RNLS: variants seen among roughly 807,000 people sequenced by gnomAD.
RNLS encodes renalase, FAD dependent amine oxidase.
A neutral mutation model predicts 39.8 loss-of-function variants in RNLS; 39 were observed. That is an observed-to-expected ratio of 0.98 (90% CI 0.76 to 1.28). The LOEUF (loss-of-function observed/expected upper bound fraction) is 1.28. Among genes scored for constraint, RNLS ranks in the 50% most tolerant of loss-of-function variants. The pLI, the probability that RNLS is intolerant of heterozygous loss-of-function variation, is 0.00. For missense variants in RNLS, 410 were observed against 413.3 expected, an observed-to-expected ratio of 0.99 and a Z score of 0.07; for synonymous variants, 147 against 150.7, an observed-to-expected ratio of 0.98 and a Z score of 0.18.
At chr10:88,286,332 A>T (rs902738744) in intron 6 of RNLS, among the ~76,000 whole-genome samples, 1 of 152,024 alleles carries the variant, frequency 6.6e-6, no homozygotes, top group African/African-American at 2.4e-5. Flanking sequence ...GTCTTTTTAA[A>T]CAGCTTTTTA....
chr10:88,521,356 C>T (rs538507130), intron 4 of RNLS, among the ~76,000 whole-genome samples: 1 of 152,186 alleles, frequency 6.6e-6, no homozygotes, highest in African/African-American at 2.4e-5. Context: ...AATATCCTGA[C>T]TCTGTTTCGT....
intron 4 of RNLS, among the ~76,000 whole-genome samples, chr10:88,405,956 A>G (rs1853236031): frequency 6.6e-6 from 1 of 152,048 alleles, no homozygotes; most frequent in Admixed American, 6.6e-5. Context: ...TGTCTGAAAA[A>G]TACCTCATCT....
chr10:88,176,575 C>A, the RNLS span, among the ~76,000 whole-genome samples: 4 of 152,128 alleles, frequency 2.6e-5, no homozygotes, highest in Non-Finnish European at 5.9e-5. Flanking sequence ...GGCTGTTTTG[C>A]ATATCTTTTG....
chr10:88,435,214 G>A (rs964523325), intron 4 of RNLS, among the ~76,000 whole-genome samples: 1 of 151,916 alleles, frequency 6.6e-6, no homozygotes, highest in Non-Finnish European at 1.5e-5. Flanking sequence ...CTGGTACTTG[G>A]CAGACAGGCA....
At chr10:88,316,633 G>A (rs1845782998) in intron 5 of RNLS, among the ~76,000 whole-genome samples, 1 of 152,110 alleles carries the variant, frequency 6.6e-6, no homozygotes, top group African/African-American at 2.4e-5. Context: ...ATTTGTTCCA[G>A]GGGAAACTCG....
chr10:88,408,063 T>C (rs1853395641), intron 4 of RNLS, among the ~76,000 whole-genome samples: 3 of 152,080 alleles, frequency 2.0e-5, no homozygotes, highest in South Asian at 2.1e-4. Context: ...ATAGGGCACA[T>C]ATTATATACA....
At chr10:88,318,642 G>A (rs766230544) in intron 5 of RNLS, among the ~76,000 whole-genome samples, 1 of 152,170 alleles carries the variant, frequency 6.6e-6, no homozygotes, top group Non-Finnish European at 1.5e-5. Flanking sequence ...AGAGTTGTCT[G>A]CTCTGGACTG....
intron 4 of RNLS, among the ~76,000 whole-genome samples, chr10:88,555,315 T>C (rs542633181): frequency 2.0e-5 from 3 of 152,172 alleles, no homozygotes; most frequent in South Asian, 2.1e-4. Flanking sequence ...TCTGACATGA[T>C]TTCAGTGTTT....
intron 5 of RNLS, among the ~76,000 whole-genome samples, chr10:88,344,948 A>G (rs11202727): frequency 0.24 from 36,646 of 151,952 alleles, 4,791 homozygotes; most frequent in Non-Finnish European, 0.28. Flanking sequence ...TGTACAGTAC[A>G]TATGGATTCT....
intron 4 of RNLS, among the ~76,000 whole-genome samples, chr10:88,561,165 G>C (rs1382694458): frequency 6.6e-6 from 1 of 152,094 alleles, no homozygotes; most frequent in Non-Finnish European, 1.5e-5. Context: ...GAAAGTTATA[G>C]CAAAGGACCA....
At chr10:88,253,976 T>C in the RNLS span, among the ~76,000 whole-genome samples, 1 of 152,240 alleles carries the variant, frequency 6.6e-6, no homozygotes, top group African/African-American at 2.4e-5. Flanking sequence ...TTCACCACCA[T>C]AGCATAAAAA....
chr10:88,357,797 T>C (rs1019455573), intron 5 of RNLS, among the ~76,000 whole-genome samples: 4 of 152,216 alleles, frequency 2.6e-5, no homozygotes, highest in Non-Finnish European at 5.9e-5. Context: ...CTCCATCCTC[T>C]TTCCATCCAC....
At chr10:88,276,923 G>A (rs999952) in intron 6 of RNLS, among the ~76,000 whole-genome samples, 126,072 of 152,136 alleles carry the variant, frequency 0.83, 52,571 homozygotes, top group Non-Finnish European at 0.88. Flanking sequence ...GTTTCAAAAT[G>A]TCACTCCATA....
intron 4 of RNLS, among the ~76,000 whole-genome samples, chr10:88,503,289 G>A (rs1379505745): frequency 6.6e-6 from 1 of 152,204 alleles, no homozygotes; most frequent in African/African-American, 2.4e-5. Flanking sequence ...GCTGAGGCAT[G>A]AGAATCACTT....
At chr10:88,377,326 C>A (rs1440362010) in intron 4 of RNLS, among the ~76,000 whole-genome samples, 9 of 151,924 alleles carry the variant, frequency 5.9e-5, no homozygotes. Context: ...CAGTAGAAGA[C>A]AACTGTAAGC....
At chr10:88,418,616 C>A (rs1854186721) in intron 4 of RNLS, among the ~76,000 whole-genome samples, 1 of 152,140 alleles carries the variant, frequency 6.6e-6, no homozygotes, top group Admixed American at 6.5e-5. Flanking sequence ...TAAAAAGGCT[C>A]TCATTTGAGA....
intron 4 of RNLS, among the ~76,000 whole-genome samples, chr10:88,448,466 G>T (rs995585593): frequency 2.6e-5 from 4 of 152,296 alleles, no homozygotes; most frequent in African/African-American, 9.6e-5. Context: ...TCTCACACCA[G>T]TTAGAATGGC....
intron 6 of RNLS, among the ~76,000 whole-genome samples, chr10:88,312,433 G>A (rs924651446): frequency 2.6e-5 from 4 of 152,116 alleles, no homozygotes; most frequent in African/African-American, 4.8e-5. Flanking sequence ...ACCCATTTTC[G>A]ACTCTGACCT....
chr10:88,358,992 G>C (rs1443754677), intron 5 of RNLS, among the ~76,000 whole-genome samples: 1 of 152,120 alleles, frequency 6.6e-6, no homozygotes, highest in Non-Finnish European at 1.5e-5. Flanking sequence ...ATAAAGCAAG[G>C]GTGTGGGGTA....
Sources: gnomAD v4.1 joint callset for allele counts (sites outside exome capture counted in the v4.1 genomes callset) on GRCh38, gnomAD v4.1.1 for gene constraint, MANE v1.5 for transcripts, NCBI Gene and HGNC (gene_info 2026-07-23, HGNC 2026-07-21) for gene names.